WDR49: variants seen among roughly 807,000 people sequenced by gnomAD.
The protein encoded by WDR49 is cilia- and flagella-associated protein 337.
A neutral mutation model predicts 119.5 loss-of-function variants in WDR49; 107 were observed. That is an observed-to-expected ratio of 0.90 (90% confidence interval 0.77 to 1.05). The LOEUF is 1.05. Ranked by LOEUF, WDR49 falls within the 50% of genes least tolerant of loss-of-function variation. The pLI is 0.00. For synonymous variants in WDR49, 425 were observed against 418.8 expected, an observed-to-expected ratio of 1.01 and a Z score of -0.18; for missense variants, 1,240 against 1,220.5, an observed-to-expected ratio of 1.02 and a Z score of -0.24.
chr3:167,640,503 T>G (rs1428143854), intron 2 of WDR49, among the ~76,000 whole-genome samples: 1 of 151,944 alleles, frequency 6.6e-6, no homozygotes, highest in Non-Finnish European at 1.5e-5. Flanking sequence ...AAGCTGCTCG[T>G]AACAAGAAGA....
At chr3:167,580,447 C>T (rs886590284) in intron 7 of WDR49, among the ~76,000 whole-genome samples, 1 of 152,114 alleles carries the variant, frequency 6.6e-6, no homozygotes, top group Non-Finnish European at 1.5e-5. Flanking sequence ...TGGCCCTTTC[C>T]CAGACCGATT....
intron 16 of WDR49, among the ~76,000 whole-genome samples, chr3:167,514,650 C>T (rs1466186907): frequency 6.6e-6 from 1 of 151,294 alleles, no homozygotes. Flanking sequence ...CACACACACA[C>T]ACACACACAC....
chr3:167,569,632 G>A (rs1015236071), intron 8 of WDR49, among the ~76,000 whole-genome samples: 2 of 150,778 alleles, frequency 1.3e-5, no homozygotes, highest in African/African-American at 2.5e-5. Context: ...AGGAGTTCAA[G>A]GCTGCAGCGA....
At chr3:167,491,923 T>C (rs1390325770) in intron 18 of WDR49, among the ~76,000 whole-genome samples, 1 of 152,102 alleles carries the variant, frequency 6.6e-6, no homozygotes, top group African/African-American at 2.4e-5. Flanking sequence ...GGCTAAAACA[T>C]CACCTGGGGA....
At chr3:167,533,097 C>T in intron 11 of WDR49, 120 bp from the exon 12 acceptor site, 5 of 575,926 alleles carry the variant, frequency 8.7e-6, no homozygotes. Flanking sequence ...ACATAGTGGG[C>T]ACTCTATATT....
chr3:167,623,797 A>T (rs983556178), intron 3 of WDR49, among the ~76,000 whole-genome samples: 1 of 152,034 alleles, frequency 6.6e-6, no homozygotes, highest in South Asian at 2.1e-4. Flanking sequence ...ACGTGATATT[A>T]TATATAGGAA....
chr3:167,535,992 A>C (rs1157566661), intron 11 of WDR49, among the ~76,000 whole-genome samples: 1 of 152,158 alleles, frequency 6.6e-6, no homozygotes, highest in Non-Finnish European at 1.5e-5. Context: ...TATAAAGACA[A>C]ATATCACATC....
chr3:167,487,818 A>G (rs2108194925), intron 18 of WDR49, among the ~76,000 whole-genome samples: 1 of 152,244 alleles, frequency 6.6e-6, no homozygotes, highest in East Asian at 1.9e-4. Context: ...AATCAAAACC[A>G]CAATAAAATA....
chr3:167,485,290 C>A (rs1750878560), intron 18 of WDR49, among the ~76,000 whole-genome samples: 1 of 151,752 alleles, frequency 6.6e-6, no homozygotes, highest in South Asian at 2.1e-4. Flanking sequence ...CAGCAAACCA[C>A]CATGGCACAT....
intron 18 of WDR49, among the ~76,000 whole-genome samples, chr3:167,481,754 G>A (rs1360708665): frequency 1.3e-5 from 2 of 152,060 alleles, no homozygotes; most frequent in Non-Finnish European, 2.9e-5. Flanking sequence ...AAACAAATGT[G>A]GAAACCCTTG....
At chr3:167,621,257 A>C (rs571440564) in intron 4 of WDR49, among the ~76,000 whole-genome samples, 4 of 152,174 alleles carry the variant, frequency 2.6e-5, no homozygotes, top group African/African-American at 9.6e-5. Flanking sequence ...CAGACCAAAA[A>C]AACAAACAAA....
chr3:167,501,039 G>A (rs1241339732), intron 17 of WDR49, among the ~76,000 whole-genome samples: 4 of 152,196 alleles, frequency 2.6e-5, no homozygotes, highest in African/African-American at 4.8e-5. Flanking sequence ...ACTACAACAG[G>A]CATCAGAATC....
intron 8 of WDR49, among the ~76,000 whole-genome samples, chr3:167,572,975 T>C (rs1714022304): frequency 1.3e-5 from 2 of 152,332 alleles, no homozygotes; most frequent in South Asian, 2.1e-4. Context: ...CTCCCCTTTC[T>C]AATTCTTCCT....
intron 2 of WDR49, among the ~76,000 whole-genome samples, chr3:167,634,223 T>C (rs1051665733): frequency 2.0e-5 from 3 of 151,978 alleles, no homozygotes; most frequent in Non-Finnish European, 4.4e-5. Flanking sequence ...TACTCATGCC[T>C]CTGTTAGAAC....
intron 17 of WDR49, among the ~76,000 whole-genome samples, chr3:167,501,126 G>T (rs1751545456): frequency 6.6e-6 from 1 of 152,174 alleles, no homozygotes. Flanking sequence ...GCAGGGATGA[G>T]GGTCTCATAA....
At chr3:167,593,192 T>C (rs948877075) in intron 7 of WDR49, among the ~76,000 whole-genome samples, 9 of 152,146 alleles carry the variant, frequency 5.9e-5, no homozygotes, top group African/African-American at 1.7e-4. Flanking sequence ...ATAAACTTTC[T>C]ACCTTGTTTC....
intron 10 of WDR49, among the ~76,000 whole-genome samples, chr3:167,540,751 C>T (rs1294527280): frequency 2.0e-5 from 3 of 151,976 alleles, no homozygotes; most frequent in Non-Finnish European, 4.4e-5. Context: ...TATTAAGCTA[C>T]TCCAGGATAT....
At chr3:167,551,363 A>G (rs1180839421) in intron 10 of WDR49, among the ~76,000 whole-genome samples, 4 of 152,070 alleles carry the variant, frequency 2.6e-5, no homozygotes, top group African/African-American at 7.2e-5. Context: ...AGTAAGCTAT[A>G]TATCTGAGTT....
At chr3:167,527,284 T>G (rs1752670421) in intron 15 of WDR49, among the ~76,000 whole-genome samples, 1 of 152,168 alleles carries the variant, frequency 6.6e-6, no homozygotes, top group Non-Finnish European at 1.5e-5. Flanking sequence ...GTTGAGCAAT[T>G]GTGAAGATTA....
Sources: allele counts gnomAD v4.1 joint callset (sites outside exome capture counted in the v4.1 genomes callset), GRCh38; gene constraint gnomAD v4.1.1; transcripts MANE v1.5; gene names NCBI Gene and HGNC (gene_info 2026-07-23, HGNC 2026-07-21).